The following C11orf21 variants were observed in gnomAD, a reference collection of about 807,000 sequenced individuals.
C11orf21 encodes chromosome 11 open reading frame 21.
A neutral mutation model predicts 15.2 loss-of-function variants in C11orf21; 19 were observed. That is an observed-to-expected ratio of 1.25 (90% CI 0.87 to 1.84). The LOEUF (loss-of-function observed/expected upper bound fraction) is 1.84. Among genes scored for constraint, C11orf21 ranks in the 40% most tolerant of loss-of-function variants. C11orf21 has a pLI of 0.00. For missense variants in C11orf21, 171 were observed against 174.4 expected (o/e 0.98, Z 0.11); for synonymous variants, 62 against 66.8 (o/e 0.93, Z 0.35).
intron 3 of C11orf21, among the ~76,000 whole-genome samples, chr11:2,298,910 C>T (rs546038097): frequency 6.6e-6 from 1 of 152,212 alleles, no homozygotes; most frequent in East Asian, 1.9e-4. Context: ...AAGCAGGGTG[C>T]CCCTCAGTGC....
rs1394417824 is a variant in C11orf21, at chr11:2,299,600, G to A, written c.255C>T (p.His85=). The A allele has an allele frequency of 6.4e-7, 1 of 1,551,166 alleles. No homozygotes were observed. Among genetic ancestry groups the A allele is most frequent in the Admixed American group, 2.0e-5 (1 of 51,014 alleles). ...TGAGACAGCAGCAGCAGGCAAGCCA[G>A]TGCAGAGCTGGGTGATCCACAGGTT... is the stretch of plus-strand genomic sequence containing the variant. ...AHEPVDHPAL[H]WLACCCCLSL... Residue 85 remains histidine, a synonymous_variant, in exon 3 of 4, where the codon CAC becomes CAT. Transcript: ENST00000381153.
chr11:2,299,238 G>C (rs2133268194), intron 3 of C11orf21, among the ~76,000 whole-genome samples, 190 bp downstream of exon 3: 1 of 152,310 alleles, frequency 6.6e-6, no homozygotes, highest in South Asian at 2.1e-4. Flanking sequence ...GTGGATTTCA[G>C]AATCAGGGCA....
intron 3 of C11orf21, among the ~76,000 whole-genome samples, chr11:2,298,988 C>A (rs948035493): frequency 6.6e-6 from 1 of 152,184 alleles, no homozygotes; most frequent in Non-Finnish European, 1.5e-5. Flanking sequence ...CAGCCATGCC[C>A]CAGAAACTCC....
upstream of C11orf21, among the ~76,000 whole-genome samples, chr11:2,302,487 G>C (rs558122921): frequency 2.0e-5 from 3 of 152,124 alleles, no homozygotes. Flanking sequence ...TGGGGTGGAG[G>C]GGCACTGGCT....
In C11orf21 at chr11:2,301,413, G is replaced by A. The variant is rs553849504; in HGVS notation, c.53+343C>T. The A allele has an allele frequency of 2.3e-3, 524 of 225,648 alleles. 2 individuals carry two copies. Among genetic ancestry groups the A allele is most frequent in the African/African-American group, 0.011 (484 of 43,596 alleles). The allele number at this position is 225,648 out of a possible 1,614,324, so 14.0% of individuals were successfully genotyped here. A position where few individuals can be genotyped will look rare whatever the true frequency, so the allele number is the denominator to read the frequency against. On this transcript the variant is annotated intron_variant, in intron 1 of 3. Transcript: ENST00000381153. ...CGGAAACCCTGCCTGTACTGGGGCC[G>A]CAGCGCTGCCCCCACCCATACGTAA...
chr11:2,302,910 C>T (rs140709712), upstream of C11orf21: 111 of 1,613,612 alleles, frequency 6.9e-5, no homozygotes, highest in Middle Eastern at 1.6e-4. Context: ...TGCTGTCATC[C>T]GCCGAGCGTC....
upstream of C11orf21, chr11:2,302,767 A>G (rs753586582): frequency 3.2e-6 from 4 of 1,238,204 alleles, no homozygotes; most frequent in South Asian, 3.8e-5. Context: ...GAGAGCCCCA[A>G]CCCTGCCCGC....
In C11orf21 at chr11:2,299,635, T is replaced by A; in HGVS notation, c.220A>T (p.Thr74Ser). 1 of 1,551,024 alleles carries A rather than the reference T, an allele frequency of 6.4e-7. No homozygotes were observed. Among genetic ancestry groups the A allele is most frequent in the Admixed American group, 2.0e-5 (1 of 50,966 alleles). Residue 74 changes from threonine (T) to serine (S), a missense_variant, in exon 3 of 4, where the codon ACC (threonine) becomes TCC (serine). Coordinates refer to ENST00000381153, the MANE Select transcript of C11orf21 (RefSeq NM_001329958.2). ...SAHGALVPPA[T>S]AHEPVDHPAL... ...GGGTGATCCACAGGTTCATGAGCGG[T>A]GGCAGGTGGAACAAGGGCACCATGG... is the stretch of plus-strand genomic sequence containing the variant.
In C11orf21 at chr11:2,300,574, G is replaced by A. The variant is rs1340730922; in HGVS notation, c.93C>T (p.Gly31=). The change falls in exon 2 of 4, where the codon GGC becomes GGT. Residue 31 remains glycine (G), a synonymous_variant. Coordinates refer to ENST00000381153, the MANE Select transcript of C11orf21 (RefSeq NM_001329958.2). ...CCGTCCACCTGTCAGGGGGTTCGAC[G>A]CCACTTTGAGATGACAAGTGAGGCC... The part of the protein sequence containing the change: ...PRWPHLSSQS[G]VEPPDRWTGT... 9.0e-6 allele frequency: 14 copies of A among 1,549,866 alleles called. No homozygotes were observed. The highest frequency in any genetic ancestry group is 2.0e-5 in the Admixed American group (1 of 50,900).
At chr11:2,300,128 G>GA (rs1328162161) in intron 2 of C11orf21, among the ~76,000 whole-genome samples, 1 of 78,456 alleles carries the variant, frequency 1.3e-5, no homozygotes, top group Non-Finnish European at 2.8e-5. Flanking sequence ...AGGGGTGTGT[G>GA]GGGTGGGCAG....
upstream of C11orf21, chr11:2,302,903 T>A (rs981476569): frequency 2.5e-6 from 4 of 1,613,676 alleles, no homozygotes; most frequent in Non-Finnish European, 3.4e-6. Context: ...CCCACTTTGC[T>A]GTCATCCGCC....
chr11:2,302,245 G>A, upstream of C11orf21: 2 of 1,379,120 alleles, frequency 1.5e-6, no homozygotes, highest in Non-Finnish European at 1.9e-6. Context: ...GGAGTGGGTG[G>A]TGGGTGGGGG....
chr11:2,302,469 G>A (rs909374302), upstream of C11orf21, among the ~76,000 whole-genome samples: 8 of 152,188 alleles, frequency 5.3e-5, no homozygotes, highest in Non-Finnish European at 1.0e-4. Flanking sequence ...CTGAGGCCTG[G>A]GGCGAGCTGG....
intron 1 of C11orf21, 175 bp downstream of exon 1, chr11:2,301,581 A>C: frequency 1.8e-6 from 1 of 566,214 alleles, no homozygotes; most frequent in Non-Finnish European, 3.0e-6. Context: ...CCGCCCACGA[A>C]GGCATTAAAA....
chr11:2,298,700 G>A (rs940945270), intron 3 of C11orf21, among the ~76,000 whole-genome samples: 4 of 152,168 alleles, frequency 2.6e-5, no homozygotes, highest in Non-Finnish European at 5.9e-5. Flanking sequence ...GCTTGGTGGT[G>A]CCCGGCCCCA....
At position 2,299,446 on chromosome 11, in the gene C11orf21, G is replaced by A. The variant is rs1305772437; in HGVS notation, c.*10C>T. On this transcript the variant is annotated 3_prime_UTR_variant, in exon 3 of 4. Coordinates refer to ENST00000381153, the MANE Select transcript of C11orf21 (RefSeq NM_001329958.2). Reference sequence around the variant, plus strand: ...TGCTCACCTCTGATGGACAGAAAAGGGTCCCTGTCTCAGGAAGGTAGAGGC... The same window carrying A: ...TGCTCACCTCTGATGGACAGAAAAGAGTCCCTGTCTCAGGAAGGTAGAGGC... The A allele has an allele frequency of 1.3e-6, 2 of 1,549,790 alleles. No homozygotes were observed. The highest frequency in any genetic ancestry group is 2.4e-5 in the South Asian group (2 of 84,054).
chr11:2,299,762 A>G (rs1429285474), intron 2 of C11orf21, 55 bp from the exon 3 acceptor site: 2 of 1,543,744 alleles, frequency 1.3e-6, no homozygotes, highest in Non-Finnish European at 1.8e-6. Flanking sequence ...CCAGGAATTC[A>G]CAGGAAGGAG....
intron 3 of C11orf21, among the ~76,000 whole-genome samples, chr11:2,298,734 G>C (rs905596232): frequency 1.3e-5 from 2 of 152,178 alleles, no homozygotes; most frequent in Non-Finnish European, 2.9e-5. Context: ...GGCACAGCGT[G>C]GATGTGGATA....
At chr11:2,303,002 T>G (rs761225342), upstream of C11orf21, 18 of 1,557,520 alleles carry the variant, frequency 1.2e-5, no homozygotes, top group South Asian at 1.8e-4. Flanking sequence ...GGGCCTCGGG[T>G]GCAAGGGTGG....
Sources: allele counts gnomAD v4.1 joint callset (sites outside exome capture counted in the v4.1 genomes callset), GRCh38; gene constraint gnomAD v4.1.1; transcripts MANE v1.5; gene names NCBI Gene and HGNC (gene_info 2026-07-23, HGNC 2026-07-21).